KCNJ6: variants seen among roughly 807,000 people sequenced by gnomAD.
The protein encoded by KCNJ6 is G protein-activated inward rectifier potassium channel 2.
A neutral mutation model predicts 34.2 loss-of-function variants in KCNJ6; 9 were observed. The observed-to-expected ratio is 0.26, with a 90% confidence interval of 0.16 to 0.46. The LOEUF is 0.46. Ranked by LOEUF, KCNJ6 falls within the 20% of genes least tolerant of loss-of-function variation. KCNJ6 has a pLI of 1.00. For synonymous variants in KCNJ6, 196 were observed against 207.1 expected (o/e 0.95, Z 0.46); for missense variants, 236 against 531.3 (o/e 0.44, Z 5.46).
chr21:37,641,135 T>C (rs564167341), intron 3 of KCNJ6, among the ~76,000 whole-genome samples: 39 of 152,198 alleles, frequency 2.6e-4, no homozygotes, highest in Non-Finnish European at 4.4e-4. Flanking sequence ...AAATTGTAAC[T>C]GTCAATACTT....
At chr21:37,790,219 C>A (rs1601472458) in intron 2 of KCNJ6, among the ~76,000 whole-genome samples, 1 of 152,158 alleles carries the variant, frequency 6.6e-6, no homozygotes, top group Non-Finnish European at 1.5e-5. Context: ...GGTTGCAACA[C>A]TTTGAATTGT....
intron 1 of KCNJ6, among the ~76,000 whole-genome samples, chr21:37,857,136 A>G (rs562017091): frequency 6.6e-6 from 1 of 152,330 alleles, no homozygotes; most frequent in East Asian, 1.9e-4. Context: ...TCTCCTTTGG[A>G]AAACAGTAAA....
At chr21:37,631,238 A>G (rs1408831458) in intron 3 of KCNJ6, among the ~76,000 whole-genome samples, 1 of 152,178 alleles carries the variant, frequency 6.6e-6, no homozygotes, top group Non-Finnish European at 1.5e-5. Flanking sequence ...AAACAGCTTA[A>G]TATCGTTCAT....
chr21:37,816,473 G>T (rs57234968), intron 2 of KCNJ6, among the ~76,000 whole-genome samples: 1 of 152,266 alleles, frequency 6.6e-6, no homozygotes, highest in African/African-American at 2.4e-5. Context: ...ATTTACAAAC[G>T]AACTGACTTT....
intron 1 of KCNJ6, among the ~76,000 whole-genome samples, chr21:37,866,910 T>C (rs1285130750): frequency 6.6e-6 from 1 of 152,256 alleles, no homozygotes; most frequent in Non-Finnish European, 1.5e-5. Context: ...TTTCTGATTC[T>C]AGCTATTCAT....
chr21:37,873,827 G>T (rs1444425598), intron 1 of KCNJ6, among the ~76,000 whole-genome samples: 1 of 151,804 alleles, frequency 6.6e-6, no homozygotes, highest in Non-Finnish European at 1.5e-5. Context: ...ATCTATCCAC[G>T]CTTCCACTTG....
intron 3 of KCNJ6, among the ~76,000 whole-genome samples, chr21:37,642,760 G>T (rs573887673): frequency 6.6e-6 from 1 of 152,182 alleles, no homozygotes; most frequent in African/African-American, 2.4e-5. Context: ...AACTATTTAA[G>T]GTTCTGGAGA....
At chr21:37,803,825 T>C (rs984217374) in intron 2 of KCNJ6, among the ~76,000 whole-genome samples, 1 of 152,218 alleles carries the variant, frequency 6.6e-6, no homozygotes, top group Non-Finnish European at 1.5e-5. Flanking sequence ...TGAGTTGGGC[T>C]CACCTTTTGA....
chr21:37,745,351 A>G (rs900980311), intron 2 of KCNJ6, among the ~76,000 whole-genome samples: 1 of 152,156 alleles, frequency 6.6e-6, no homozygotes, highest in East Asian at 1.9e-4. Context: ...CAGACTCCTC[A>G]GTGCAAGTGA....
Position 37,757,576 on chromosome 21 carries a change from G to A in KCNJ6, c.26-42445C>T, listed in dbSNP as rs1327251535. On this transcript the variant is annotated intron_variant, in intron 2 of 3. Coordinates refer to ENST00000609713, the MANE Select transcript of KCNJ6 (RefSeq NM_002240.5). Reference sequence around the variant, plus strand: ...ACAGCATGATGGTTCCAGCCCAAGTGAGCACTCCCTCACAGATTCCAGCCC... The same window carrying A: ...ACAGCATGATGGTTCCAGCCCAAGTAAGCACTCCCTCACAGATTCCAGCCC... Among the ~76,000 whole-genome samples, 5 of 148,524 alleles carry A rather than the reference G, an allele frequency of 3.4e-5. No homozygotes were observed. The South Asian group carries it at 1.1e-3, about 32-fold the overall frequency.
At chr21:37,707,731 G>GTGTGTGTGTATATGTGTGCA (rs1556022152) in intron 3 of KCNJ6, among the ~76,000 whole-genome samples, 1 of 150,940 alleles carries the variant, frequency 6.6e-6, no homozygotes, top group South Asian at 2.1e-4. Context: ...GCATGTGTGT[G>GTGTGTGTGTATATGTGTGCA]TGTGAATAAT....
At chr21:37,644,608 G>C (rs1787423) in intron 3 of KCNJ6, among the ~76,000 whole-genome samples, 65,703 of 152,044 alleles carry the variant, frequency 0.43, 15,198 homozygotes, top group Non-Finnish European at 0.51. Flanking sequence ...TGATATTTCA[G>C]AAGTATAGAG....
intron 2 of KCNJ6, among the ~76,000 whole-genome samples, chr21:37,749,095 G>A (rs533448331): frequency 1.2e-4 from 18 of 152,180 alleles, no homozygotes; most frequent in African/African-American, 4.3e-4. Flanking sequence ...CTTTTTGATG[G>A]GAGACACTAA....
At chr21:37,883,918 C>T (rs868444723) in intron 1 of KCNJ6, among the ~76,000 whole-genome samples, 14 of 152,142 alleles carry the variant, frequency 9.2e-5, no homozygotes, top group African/African-American at 3.4e-4. Context: ...CCCCAGAGGA[C>T]TGGTGTTCAA....
intron 1 of KCNJ6, among the ~76,000 whole-genome samples, chr21:37,893,655 C>A (rs1472687197): frequency 6.6e-6 from 1 of 150,714 alleles, no homozygotes; most frequent in Non-Finnish European, 1.5e-5. Context: ...TTTCCTCTGC[C>A]TTTCCTTATT....
chr21:37,660,472 G>A (rs892972091), intron 3 of KCNJ6, among the ~76,000 whole-genome samples: 1 of 152,182 alleles, frequency 6.6e-6, no homozygotes, highest in African/African-American at 2.4e-5. Flanking sequence ...ATTCATTTGA[G>A]TTGTAGAGTG....
rs191545997 is a variant in KCNJ6, at chr21:37,803,845, C to T, written c.25+36813G>A. 3.2e-4 allele frequency among the ~76,000 whole-genome samples: 48 copies of T among 152,304 alleles called. 1 individual carries two copies. The East Asian group carries it at 7.9e-3, about 25-fold the overall frequency. ...TGGGCTCACCTTTTGACTGTGTCCT[C>T]ACCATCTCACTCCTTCATGGGACCA... On this transcript the variant is annotated intron_variant, in intron 2 of 3. Coordinates refer to ENST00000609713, the MANE Select transcript of KCNJ6 (RefSeq NM_002240.5).
At chr21:37,880,874 T>C (rs1007151666) in intron 1 of KCNJ6, among the ~76,000 whole-genome samples, 4 of 152,130 alleles carry the variant, frequency 2.6e-5, no homozygotes, top group Non-Finnish European at 1.5e-5. Context: ...CTGCTCTAGG[T>C]TGTCAGAAGG....
intron 2 of KCNJ6, among the ~76,000 whole-genome samples, chr21:37,745,833 C>A (rs1318969753): frequency 6.6e-6 from 1 of 152,212 alleles, no homozygotes; most frequent in African/African-American, 2.4e-5. Context: ...GCACACACGT[C>A]CCACTAGGGC....
Sources: allele counts gnomAD v4.1 joint callset (sites outside exome capture counted in the v4.1 genomes callset), GRCh38; gene constraint gnomAD v4.1.1; transcripts MANE v1.5; gene names NCBI Gene and HGNC (gene_info 2026-07-23, HGNC 2026-07-21).